Variants in CDH12 observed in about 807,000 individuals in gnomAD.
CDH12 encodes cadherin-12.
In CDH12, 41 loss-of-function variants were observed where a neutral mutation model predicts 74.1. The ratio of observed to expected loss-of-function variants is 0.55; its 90% CI spans 0.43 to 0.72. The LOEUF is 0.72. CDH12 is among the 30% of genes least tolerant of loss of function. The pLI is 0.00. For synonymous variants in CDH12, 399 were observed against 355.0 expected, an observed-to-expected ratio of 1.12 and a Z score of -1.39; for missense variants, 945 against 977.2, an observed-to-expected ratio of 0.97 and a Z score of 0.44.
intron 1 of CDH12, among the ~76,000 whole-genome samples, chr5:22,665,832 C>G (rs2126904978): frequency 6.6e-6 from 1 of 152,226 alleles, no homozygotes; most frequent in East Asian, 1.9e-4. Flanking sequence ...TTCAGAAAGC[C>G]CTTTCCCAGT....
intron 1 of CDH12, among the ~76,000 whole-genome samples, chr5:22,845,132 T>C (rs1336311303): frequency 6.6e-6 from 1 of 152,156 alleles, no homozygotes; most frequent in Non-Finnish European, 1.5e-5. Context: ...CCAATATTCA[T>C]CCATATTATT....
intron 3 of CDH12, among the ~76,000 whole-genome samples, chr5:22,239,129 G>C (rs1037072573): frequency 1.3e-5 from 2 of 152,054 alleles, no homozygotes; most frequent in Non-Finnish European, 2.9e-5. Flanking sequence ...CCCTTCCTTG[G>C]GCTGATGACT....
At chr5:21,842,113 A>AT (rs1749898260) in intron 8 of CDH12, 48 bp downstream of exon 8, 3 of 1,468,490 alleles carry the variant, frequency 2.0e-6, no homozygotes, top group South Asian at 2.7e-5. Flanking sequence ...ACACCATTAA[A>AT]TTTTTTTAAA....
At chr5:22,078,282 T>C (rs979084495) in intron 5 of CDH12, among the ~76,000 whole-genome samples, 164 bp downstream of exon 5, 3 of 152,130 alleles carry the variant, frequency 2.0e-5, no homozygotes, top group Non-Finnish European at 4.4e-5. Context: ...ATTCTGAAGC[T>C]TACCCGGGCC....
intron 1 of CDH12, among the ~76,000 whole-genome samples, chr5:22,775,562 A>AC (rs1415837782): frequency 2.0e-5 from 3 of 147,832 alleles, no homozygotes; most frequent in Non-Finnish European, 4.6e-5. Context: ...TTGGGCAACA[A>AC]AAAAAAACTG....
chr5:21,857,273 G>A (rs1750804652), intron 6 of CDH12, among the ~76,000 whole-genome samples: 1 of 151,822 alleles, frequency 6.6e-6, no homozygotes, highest in South Asian at 2.1e-4. Flanking sequence ...AGAATCTGAA[G>A]TAGTCTGGTA....
intron 1 of CDH12, among the ~76,000 whole-genome samples, chr5:22,741,799 C>A (rs1163256856): frequency 6.6e-6 from 1 of 152,176 alleles, no homozygotes; most frequent in Non-Finnish European, 1.5e-5. Flanking sequence ...GGTTTACCAC[C>A]ATTTGGGTTG....
intron 6 of CDH12, among the ~76,000 whole-genome samples, chr5:21,923,521 T>C (rs914234095): frequency 6.6e-6 from 1 of 152,114 alleles, no homozygotes; most frequent in African/African-American, 2.4e-5. Context: ...CAAAACTAAA[T>C]AGTATAATGT....
At chr5:22,313,759 G>A (rs1738488975) in intron 3 of CDH12, among the ~76,000 whole-genome samples, 1 of 152,150 alleles carries the variant, frequency 6.6e-6, no homozygotes. Context: ...TTCTCACTTA[G>A]AAACGGAAGG....
At chr5:22,306,290 G>C (rs1037664242) in intron 3 of CDH12, among the ~76,000 whole-genome samples, 7 of 151,870 alleles carry the variant, frequency 4.6e-5, no homozygotes, top group Non-Finnish European at 2.9e-5. Flanking sequence ...TGAAGTGCCT[G>C]GTACACAGAG....
intron 6 of CDH12, among the ~76,000 whole-genome samples, chr5:21,901,943 T>C (rs2150054675): frequency 6.6e-6 from 1 of 152,332 alleles, no homozygotes; most frequent in East Asian, 1.9e-4. Flanking sequence ...ATAAAAGGGA[T>C]ATATTCTTGT....
chr5:22,309,932 A>T (rs987145960), intron 3 of CDH12, among the ~76,000 whole-genome samples: 50 of 148,206 alleles, frequency 3.4e-4, no homozygotes, highest in Non-Finnish European at 6.1e-4. Flanking sequence ...GTTAATAAAT[A>T]AACAATTATC....
chr5:21,855,124 A>G (rs1008119052), intron 6 of CDH12, among the ~76,000 whole-genome samples: 2 of 151,742 alleles, frequency 1.3e-5, no homozygotes, highest in African/African-American at 4.8e-5. Flanking sequence ...CTTACTATTG[A>G]TGTTTTAATT....
chr5:22,651,800 C>T lies in CDH12; in HGVS notation c.-522-146436G>A, dbSNP rs1231765042. 4.0e-5 allele frequency among the ~76,000 whole-genome samples: 6 copies of T among 151,748 alleles called. No individual in the cohort carries two copies. The South Asian group carries it at 1.2e-3, about 32-fold the overall frequency. ...GAATAAAAAGCCAATGAATTGTACG[C>T]TTTTCAATGGTTGAATTTTATGGTC... On this transcript the variant is annotated intron_variant, in intron 1 of 14. Coordinates refer to ENST00000382254, the MANE Select transcript of CDH12 (RefSeq NM_004061.5).
chr5:22,549,338 A>T (rs1164983151), intron 1 of CDH12, among the ~76,000 whole-genome samples: 1 of 151,940 alleles, frequency 6.6e-6, no homozygotes, highest in African/African-American at 2.4e-5. Flanking sequence ...TATGTTTTCA[A>T]TTCTAAGGCA....
At chr5:21,880,626 T>C (rs865801889) in intron 6 of CDH12, among the ~76,000 whole-genome samples, 10 of 74,026 alleles carry the variant, frequency 1.4e-4, no homozygotes, top group African/African-American at 5.0e-4. Context: ...CTTCTTTCTT[T>C]CTTTCTTTCT....
chr5:22,583,483 A>T (rs914861342), intron 1 of CDH12, among the ~76,000 whole-genome samples: 2 of 152,218 alleles, frequency 1.3e-5, no homozygotes, highest in Non-Finnish European at 2.9e-5. Context: ...TAAGTTAACG[A>T]CTATGGTGAA....
chr5:22,470,164 G>A (rs1002910215), intron 2 of CDH12, among the ~76,000 whole-genome samples: 2 of 151,934 alleles, frequency 1.3e-5, no homozygotes, highest in South Asian at 2.1e-4. Context: ...GCCCTGACAT[G>A]GTATGGCATA....
intron 1 of CDH12, among the ~76,000 whole-genome samples, chr5:22,553,131 C>A (rs185806547): frequency 1.3e-5 from 2 of 152,104 alleles, no homozygotes; most frequent in Middle Eastern, 3.4e-3. Flanking sequence ...CTTTTAAATC[C>A]TAAGGAGAAT....
Sources: gnomAD v4.1 joint callset for allele counts (sites outside exome capture counted in the v4.1 genomes callset) on GRCh38, gnomAD v4.1.1 for gene constraint, MANE v1.5 for transcripts, NCBI Gene and HGNC (gene_info 2026-07-23, HGNC 2026-07-21) for gene names.